The following RORA variants were observed in gnomAD, a reference collection of about 807,000 sequenced individuals.
RORA encodes RAR related orphan receptor A, also known as nuclear receptor ROR-alpha.
RORA carries 7 observed loss-of-function variants against 69.5 expected under a neutral mutation model. The ratio of observed to expected loss-of-function variants is 0.10; its 90% CI spans 0.06 to 0.19. The LOEUF (loss-of-function observed/expected upper bound fraction) is 0.19. RORA is among the 10% of genes least tolerant of loss of function. RORA has a pLI of 1.00. For synonymous variants in RORA, 261 were observed against 240.8 expected (o/e 1.08, Z -0.78); for missense variants, 457 against 663.0 (o/e 0.69, Z 3.41).
chr15:61,052,645 AT>A (rs1427493040), intron 1 of RORA, among the ~76,000 whole-genome samples: 4 of 152,222 alleles, frequency 2.6e-5, no homozygotes, highest in Non-Finnish European at 4.4e-5. Flanking sequence ...CATTCCAGAT[AT>A]TCTGAGAGCG....
chr15:61,126,356 T>C (rs983372324), intron 1 of RORA, among the ~76,000 whole-genome samples: 16 of 152,170 alleles, frequency 1.1e-4, no homozygotes, highest in African/African-American at 3.4e-4. Context: ...CTTACACACC[T>C]TTTTTTGTAC....
chr15:60,912,976 A>G (rs935862656), intron 1 of RORA, among the ~76,000 whole-genome samples: 1 of 152,234 alleles, frequency 6.6e-6, no homozygotes, highest in African/African-American at 2.4e-5. Context: ...ATAGAGTAGT[A>G]CAACCATTAC....
intron 1 of RORA, among the ~76,000 whole-genome samples, chr15:60,887,983 G>T (rs193230670): frequency 1.3e-5 from 2 of 152,226 alleles, no homozygotes; most frequent in African/African-American, 4.8e-5. Context: ...AAATTAGCCC[G>T]ACTTAGCCAA....
intron 4 of RORA, among the ~76,000 whole-genome samples, chr15:60,514,287 T>C (rs2065793881): frequency 6.6e-6 from 1 of 152,154 alleles, no homozygotes; most frequent in African/African-American, 2.4e-5. Flanking sequence ...ACATCTTTAT[T>C]AAGGCCTTCA....
intron 1 of RORA, among the ~76,000 whole-genome samples, chr15:61,062,180 C>A (rs1333455233): frequency 6.6e-6 from 1 of 152,214 alleles, no homozygotes; most frequent in African/African-American, 2.4e-5. Flanking sequence ...ACAGTGCTTT[C>A]AATGTGGACA....
At chr15:60,796,503 C>A (rs1267197972) in intron 1 of RORA, among the ~76,000 whole-genome samples, 4 of 141,376 alleles carry the variant, frequency 2.8e-5, no homozygotes, top group African/African-American at 9.8e-5. Context: ...TGGCTATCCA[C>A]CCCCCGCCAA....
intron 1 of RORA, among the ~76,000 whole-genome samples, chr15:60,851,278 C>T (rs11631055): frequency 0.14 from 20,954 of 152,220 alleles, 1,529 homozygotes; most frequent in Admixed American, 0.22. Context: ...TCTAAGATGA[C>T]AGCACCTTGT....
chr15:61,103,652 T>C (rs2078911648), intron 1 of RORA, among the ~76,000 whole-genome samples: 1 of 152,116 alleles, frequency 6.6e-6, no homozygotes, highest in African/African-American at 2.4e-5. Flanking sequence ...TGTGCACACG[T>C]TTGGGGCTCC....
intron 1 of RORA, among the ~76,000 whole-genome samples, chr15:60,885,628 T>C (rs2140452247): frequency 6.6e-6 from 1 of 152,340 alleles, no homozygotes; most frequent in Middle Eastern, 3.4e-3. Context: ...ATGTTGGCTT[T>C]GAATCAAAAA....
chr15:61,088,230 C>G (rs776119003), intron 1 of RORA, among the ~76,000 whole-genome samples: 1 of 152,166 alleles, frequency 6.6e-6, no homozygotes, highest in African/African-American at 2.4e-5. Context: ...AAATGACAAC[C>G]TGTGGAAGTC....
At chr15:60,945,069 G>C (rs1159386409) in intron 1 of RORA, among the ~76,000 whole-genome samples, 1 of 152,170 alleles carries the variant, frequency 6.6e-6, no homozygotes, top group African/African-American at 2.4e-5. Context: ...ATTGGCTTAA[G>C]AGCAGAGAGG....
intron 1 of RORA, among the ~76,000 whole-genome samples, chr15:61,118,225 A>C (rs933408592): frequency 1.3e-5 from 2 of 152,148 alleles, no homozygotes; most frequent in Non-Finnish European, 2.9e-5. Flanking sequence ...CAGGGTTTCA[A>C]GTTTTCTTAA....
intron 1 of RORA, among the ~76,000 whole-genome samples, chr15:60,892,357 T>C (rs2073821408): frequency 6.6e-6 from 1 of 152,212 alleles, no homozygotes; most frequent in Admixed American, 6.5e-5. Flanking sequence ...TTTTAACTTT[T>C]TTCCAGGGGA....
At chr15:60,508,448 G>A (rs1398778532) in intron 5 of RORA, among the ~76,000 whole-genome samples, 1 of 152,192 alleles carries the variant, frequency 6.6e-6, no homozygotes, top group African/African-American at 2.4e-5. Context: ...TATGATAGCA[G>A]TTAACACATA....
At chr15:61,185,816 G>A (rs140737038) in intron 1 of RORA, among the ~76,000 whole-genome samples, 11 of 152,184 alleles carry the variant, frequency 7.2e-5, no homozygotes, top group South Asian at 2.1e-4. Context: ...GGAGAAGGTC[G>A]TCGGCAGTCA....
intron 1 of RORA, among the ~76,000 whole-genome samples, chr15:60,871,489 C>A (rs972690170): frequency 1.3e-5 from 2 of 152,206 alleles, no homozygotes; most frequent in Non-Finnish European, 2.9e-5. Context: ...GCCAGCCAGA[C>A]TACCTGTAAT....
At chr15:60,699,403 C>G (rs1342421715) in intron 1 of RORA, among the ~76,000 whole-genome samples, 1 of 152,270 alleles carries the variant, frequency 6.6e-6, no homozygotes, top group South Asian at 2.1e-4. Flanking sequence ...AGATTTGAAT[C>G]TAAACAACAC....
At chr15:60,705,107 A>T (rs1273421165) in intron 1 of RORA, among the ~76,000 whole-genome samples, 7 of 140,358 alleles carry the variant, frequency 5.0e-5, no homozygotes. Context: ...TATCGTTCTC[A>T]TTATGACATT....
At chr15:60,970,703 G>T (rs1893689200) in intron 1 of RORA, among the ~76,000 whole-genome samples, 1 of 152,160 alleles carries the variant, frequency 6.6e-6, no homozygotes, top group Non-Finnish European at 1.5e-5. Context: ...ATATTCATAT[G>T]GTAATAAAGC....
Sources: allele counts gnomAD v4.1 joint callset (sites outside exome capture counted in the v4.1 genomes callset), GRCh38; gene constraint gnomAD v4.1.1; transcripts MANE v1.5; gene names NCBI Gene and HGNC (gene_info 2026-07-23, HGNC 2026-07-21).